Variants in MYO1B observed in about 807,000 individuals in gnomAD.
MYO1B encodes the protein myosin IB.
Under a neutral mutation model 159.7 loss-of-function variants are expected in MYO1B, and 72 were observed. The observed-to-expected ratio is 0.45, with a 90% CI of 0.37 to 0.55. The LOEUF (loss-of-function observed/expected upper bound fraction) is 0.55, where lower values mean the gene tolerates loss of function less well. Ranked by LOEUF, MYO1B falls within the 20% of genes least tolerant of loss-of-function variation. The probability of loss-of-function intolerance (pLI) is 0.00; values close to 1 mark genes in which losing one functional copy is unlikely to be tolerated. For missense variants in MYO1B, 1,062 were observed against 1,364.8 expected, an observed-to-expected ratio of 0.78 and a Z score of 3.50; for synonymous variants, 468 against 473.8, an observed-to-expected ratio of 0.99 and a Z score of 0.16.
chr2:191,248,427 A>C (rs185149907), intron 1 of MYO1B, among the ~76,000 whole-genome samples: 95 of 152,302 alleles, frequency 6.2e-4, no homozygotes, highest in African/African-American at 2.3e-3. Context: ...CCGAACCTTA[A>C]ATGTGTCCAG....
At chr2:191,422,948 T>C (rs921634227) in intron 30 of MYO1B, among the ~76,000 whole-genome samples, 6 of 152,224 alleles carry the variant, frequency 3.9e-5, no homozygotes, top group African/African-American at 1.2e-4. Flanking sequence ...TAATGAACTT[T>C]AGTTTTCTTA....
At position 191,402,731 on chromosome 2, in the gene MYO1B, C is replaced by T. The variant is rs1272393777; in HGVS notation, c.2556+13C>T. ...GCTTGGACTGAAGGTACTTCCTCAA[C>T]CACTTGTTTCTGTCCAGGGTGAACT... On this transcript the variant is annotated intron_variant, in intron 24 of 30. Coordinates refer to ENST00000392318, the MANE Select transcript of MYO1B (RefSeq NM_001130158.3). The T allele has an allele frequency of 1.2e-6, 2 of 1,603,972 alleles. No homozygotes were observed. Among genetic ancestry groups the T allele is most frequent in the Non-Finnish European group, 1.7e-6 (2 of 1,174,764 alleles).
chr2:191,245,750 G>A (rs990647361), intron 1 of MYO1B, 124 bp downstream of exon 1: 2 of 152,220 alleles, frequency 1.3e-5, no homozygotes, highest in Non-Finnish European at 2.9e-5. Context: ...CTGCGGGCGG[G>A]GGTCAGCGGG....
At chr2:191,340,715 G>A (rs1692161651) in intron 4 of MYO1B, among the ~76,000 whole-genome samples, 1 of 149,068 alleles carries the variant, frequency 6.7e-6, no homozygotes, top group Non-Finnish European at 1.5e-5. Context: ...GAGCAAACCA[G>A]TTTTTTGGTT....
chr2:191,419,511 C>T (rs1476332151), intron 30 of MYO1B, among the ~76,000 whole-genome samples: 1 of 152,240 alleles, frequency 6.6e-6, no homozygotes, highest in Non-Finnish European at 1.5e-5. Context: ...AGCCACCACG[C>T]CCGGCCTATA....
intron 2 of MYO1B, among the ~76,000 whole-genome samples, 177 bp from the exon 3 acceptor site, chr2:191,295,934 A>G (rs1688956267): frequency 6.6e-6 from 1 of 152,182 alleles, no homozygotes; most frequent in Non-Finnish European, 1.5e-5. Context: ...AACTAAATAG[A>G]CATTGTTGAC....
At position 191,397,546 on chromosome 2, in the gene MYO1B, A is replaced by AT. The variant is rs546627837; in HGVS notation, c.2295+1054dup. On this transcript the variant is annotated intron_variant, in intron 21 of 30. Coordinates refer to ENST00000392318, the MANE Select transcript of MYO1B (RefSeq NM_001130158.3). Reference sequence around the variant, plus strand: ...ATCAACAGGATCCCAAGGCAGAAGAATTTTTCTTAGTACAGAACAAAATGA... The same window carrying AT: ...ATCAACAGGATCCCAAGGCAGAAGAATTTTTTCTTAGTACAGAACAAAATGA... Among the ~76,000 whole-genome samples the AT allele has an allele frequency of 2.0e-4, 30 of 151,764 alleles. No homozygotes were observed. In the South Asian group the frequency reaches 6.3e-3, roughly 32 times the overall value.
intron 13 of MYO1B, 91 bp from the exon 14 acceptor site, chr2:191,381,371 C>A: frequency 1.1e-6 from 1 of 907,916 alleles, no homozygotes; most frequent in Non-Finnish European, 1.8e-6. Flanking sequence ...TCATGTGTGG[C>A]ATTTCTCATG....
chr2:191,347,074 C>G (rs866806045), intron 6 of MYO1B, among the ~76,000 whole-genome samples: 8 of 152,238 alleles, frequency 5.3e-5, no homozygotes, highest in Non-Finnish European at 1.5e-5. Flanking sequence ...CGTCTTCTCA[C>G]ATACCTTACT....
At position 191,363,778 on chromosome 2, in the gene MYO1B, G is replaced by C; in HGVS notation, c.816G>C (p.Leu272Phe). Residue 272 changes from leucine (L) to phenylalanine (F), a missense_variant, in exon 10 of 31, where the codon TTG becomes TTC. Physicochemically the swap from Leu to Phe is conservative, Grantham distance 22. This residue lies in a region of MYO1B where 415 missense variants were observed against 544.0 expected (regional missense o/e 0.76). Coordinates refer to ENST00000392318, the MANE Select transcript of MYO1B (RefSeq NM_001130158.3). ...GFMDHEAESV[L>F]AVVAAVLKLG... ...TGGATCATGAAGCTGAGTCTGTCTTGGCGGTGGTGGCAGCAGTGTTGAAAC... is the reference window on the plus strand; with the variant it reads ...TGGATCATGAAGCTGAGTCTGTCTTCGCGGTGGTGGCAGCAGTGTTGAAAC... 5 of 1,613,728 alleles carry C rather than the reference G, an allele frequency of 3.1e-6. No homozygotes were observed. Among genetic ancestry groups the C allele is most frequent in the Non-Finnish European group, 4.2e-6 (5 of 1,179,910 alleles).
chr2:191,418,779 G>A (rs576998950), intron 30 of MYO1B, among the ~76,000 whole-genome samples: 2 of 152,196 alleles, frequency 1.3e-5, no homozygotes, highest in South Asian at 2.1e-4. Context: ...GTGAGCCACC[G>A]CGCCCAGCCT....
intron 20 of MYO1B, among the ~76,000 whole-genome samples, chr2:191,395,099 G>C (rs1269134513): frequency 6.6e-6 from 1 of 152,092 alleles, no homozygotes; most frequent in African/African-American, 2.4e-5. Context: ...ATGTTTCCTA[G>C]AGATGAATTT....
intron 15 of MYO1B, among the ~76,000 whole-genome samples, chr2:191,385,526 TTTTAGA>T (rs2126085166): frequency 2.2e-5 from 1 of 46,468 alleles, no homozygotes; most frequent in Non-Finnish European, 3.1e-4. Context: ...TCATTTCTGC[TTTTAGA>T]TTTCTTTTTG....
intron 4 of MYO1B, among the ~76,000 whole-genome samples, chr2:191,336,013 C>T (rs1041915593): frequency 6.6e-6 from 1 of 152,100 alleles, no homozygotes; most frequent in African/African-American, 2.4e-5. Flanking sequence ...ACAACTCACT[C>T]CCATGAATAC....
At chr2:191,279,954 C>A (rs1278728209) in intron 2 of MYO1B, among the ~76,000 whole-genome samples, 1 of 152,124 alleles carries the variant, frequency 6.6e-6, no homozygotes, top group Non-Finnish European at 1.5e-5. Context: ...CTGGATACAC[C>A]CATAGCCTCA....
At chr2:191,378,988 A>G (rs1485144696) in intron 13 of MYO1B, among the ~76,000 whole-genome samples, 2 of 152,188 alleles carry the variant, frequency 1.3e-5, no homozygotes, top group Non-Finnish European at 2.9e-5. Context: ...GGCAAGTTAT[A>G]TGATGTATCA....
At chr2:191,397,050 TTC>T (rs1271643011) in intron 21 of MYO1B, among the ~76,000 whole-genome samples, 1 of 150,762 alleles carries the variant, frequency 6.6e-6, no homozygotes, top group East Asian at 2.0e-4. Flanking sequence ...TGCTTGCGTG[TTC>T]TCATACAACC....
intron 27 of MYO1B, among the ~76,000 whole-genome samples, chr2:191,412,772 A>G (rs185296643): frequency 7.7e-4 from 117 of 152,308 alleles, no homozygotes; most frequent in African/African-American, 2.8e-3. Context: ...GAGTCCCCCG[A>G]CAAGTCTTTA....
At chr2:191,412,940 T>C (rs1370421435) in intron 27 of MYO1B, among the ~76,000 whole-genome samples, 1 of 152,234 alleles carries the variant, frequency 6.6e-6, no homozygotes, top group East Asian at 1.9e-4. Flanking sequence ...TCTCCTTTCA[T>C]ATACAGATGC....
Sources: allele counts gnomAD v4.1 joint callset (sites outside exome capture counted in the v4.1 genomes callset), GRCh38; gene constraint gnomAD v4.1.1; regional missense constraint gnomAD v4.1.1; transcripts MANE v1.5; gene names NCBI Gene and HGNC (gene_info 2026-07-23, HGNC 2026-07-21).